The following PARD3 variants were observed in gnomAD, a reference collection of about 807,000 sequenced individuals.
PARD3 encodes partitioning defective 3 homolog.
PARD3 carries 75 observed loss-of-function variants against 155.4 expected under a neutral mutation model. The ratio of observed to expected loss-of-function variants is 0.48; its 90% CI spans 0.40 to 0.58. The LOEUF (loss-of-function observed/expected upper bound fraction) is 0.58. Among genes scored for constraint, PARD3 ranks in the 20% least tolerant of loss-of-function variants. The pLI, the probability that PARD3 is intolerant of heterozygous loss-of-function variation, is 0.00. For missense variants in PARD3, 1,642 were observed against 1,721.7 expected, an observed-to-expected ratio of 0.95 and a Z score of 0.82; for synonymous variants, 576 against 610.5, an observed-to-expected ratio of 0.94 and a Z score of 0.83.
At chr10:34,568,649 G>A (rs1381131983) in intron 2 of PARD3, among the ~76,000 whole-genome samples, 1 of 152,146 alleles carries the variant, frequency 6.6e-6, no homozygotes, top group Non-Finnish European at 1.5e-5. Flanking sequence ...ACCATGTGGC[G>A]TGACCTCCCC....
At chr10:34,697,766 A>AACACACACAC (rs377094946) in intron 1 of PARD3, among the ~76,000 whole-genome samples, 51,064 of 146,238 alleles carry the variant, frequency 0.35, 9,401 homozygotes, top group East Asian at 0.4. Flanking sequence ...TTGTAAAACA[A>AACACACACAC]ACACTCACAC....
At chr10:34,296,728 T>C (rs1004027625) in intron 20 of PARD3, among the ~76,000 whole-genome samples, 3 of 152,120 alleles carry the variant, frequency 2.0e-5, no homozygotes, top group African/African-American at 7.2e-5. Context: ...GGCTTGAAAG[T>C]ATCAGATATA....
intron 1 of PARD3, among the ~76,000 whole-genome samples, chr10:34,727,528 C>G (rs1350831988): frequency 2.0e-5 from 3 of 151,890 alleles, no homozygotes; most frequent in Admixed American, 6.6e-5. Context: ...ATTTATTTAA[C>G]TGAAGCAAGT....
intron 15 of PARD3, chr10:34,344,294 T>G: frequency 3.1e-6 from 3 of 980,804 alleles, no homozygotes; most frequent in Non-Finnish European, 3.6e-6. Flanking sequence ...TTTTTTTTTT[T>G]TTTTTGGATA....
intron 1 of PARD3, among the ~76,000 whole-genome samples, chr10:34,750,784 G>A (rs1164974907): frequency 6.6e-6 from 1 of 151,308 alleles, no homozygotes; most frequent in Non-Finnish European, 1.5e-5. Flanking sequence ...CGCCCCCCGG[G>A]TTCAAGTGAT....
At chr10:34,337,206 G>T in intron 17 of PARD3, 69 bp downstream of exon 17, 7 of 984,672 alleles carry the variant, frequency 7.1e-6, no homozygotes, top group South Asian at 6.5e-5. Context: ...CATCTGCTTG[G>T]GACCATCAAT....
chr10:34,543,868 A>G (rs1182193510), intron 2 of PARD3, among the ~76,000 whole-genome samples: 7 of 152,186 alleles, frequency 4.6e-5, no homozygotes, highest in South Asian at 2.1e-4. Flanking sequence ...TTAATAGTCA[A>G]TGTAATAGCT....
intron 3 of PARD3, among the ~76,000 whole-genome samples, chr10:34,482,327 C>T (rs1183512068): frequency 2.2e-4 from 33 of 151,896 alleles, no homozygotes. Context: ...TCATCATGCC[C>T]GACCTGGCTA....
At chr10:34,390,784 T>C (rs1842803769) in intron 7 of PARD3, among the ~76,000 whole-genome samples, 1 of 152,230 alleles carries the variant, frequency 6.6e-6, no homozygotes, top group African/African-American at 2.4e-5. Flanking sequence ...AAGAATATCT[T>C]AGATGAACAA....
chr10:34,255,273 A>G lies in PARD3; in HGVS notation c.3419+14384T>C, dbSNP rs886739987. On this transcript the variant is annotated intron_variant, in intron 22 of 24. Coordinates refer to ENST00000374788, the MANE Select transcript of PARD3 (RefSeq NM_001184785.2). ...CCGGAAGTGTTCCAATCCACGCTAT[A>G]GTTTTATAGCACCCCTTGGAGTTGT... Among the ~76,000 whole-genome samples the G allele has an allele frequency of 3.3e-5, 5 of 152,152 alleles. No individual in the cohort carries two copies. The South Asian group carries it at 6.2e-4, about 19-fold the overall frequency.
intron 22 of PARD3, among the ~76,000 whole-genome samples, chr10:34,206,264 G>A (rs1951476360): frequency 6.6e-6 from 1 of 152,198 alleles, no homozygotes; most frequent in South Asian, 2.1e-4. Context: ...AGCGCCCCTA[G>A]CTATTCATTG....
At chr10:34,504,464 T>C (rs561866722) in intron 3 of PARD3, among the ~76,000 whole-genome samples, 3 of 151,060 alleles carry the variant, frequency 2.0e-5, no homozygotes, top group Non-Finnish European at 4.4e-5. Flanking sequence ...TTTGTTGATA[T>C]GTAGGCAATA....
chr10:34,148,155 G>T (rs540434091), intron 22 of PARD3, among the ~76,000 whole-genome samples: 3 of 152,290 alleles, frequency 2.0e-5, no homozygotes, highest in African/African-American at 7.2e-5. Flanking sequence ...CACAGGCATA[G>T]ATTTAGATAT....
chr10:34,190,107 G>C (rs558149772), intron 22 of PARD3, among the ~76,000 whole-genome samples: 2 of 152,306 alleles, frequency 1.3e-5, no homozygotes, highest in African/African-American at 4.8e-5. Flanking sequence ...AGAGAGATGA[G>C]CGGTTTTAAG....
chr10:34,678,922 G>C (rs1045521115), intron 2 of PARD3, among the ~76,000 whole-genome samples: 2 of 151,750 alleles, frequency 1.3e-5, no homozygotes, highest in Non-Finnish European at 2.9e-5. Flanking sequence ...AAACCTTAAC[G>C]CCTTCACCGA....
intron 19 of PARD3, among the ~76,000 whole-genome samples, chr10:34,320,768 T>G (rs914774098): frequency 5.3e-5 from 8 of 152,246 alleles, no homozygotes; most frequent in Non-Finnish European, 1.0e-4. Context: ...CTCTGTTTCC[T>G]GCCCCAAGCC....
rs1274536002 is a variant in PARD3 at position 34,331,300 on chromosome 10, A to T, written c.2650T>A (p.Ser884Thr). ...GTCTGCAGACTCTCCAACGAGCTTG[A>T]CTTCTTCAGACCCAGGGAAGGACCC... ...DVGPSLGLKK[S>T]SSLESLQTAV... is the part of the protein sequence containing the mutation. The change falls in exon 19 of 25, where the codon TCA becomes ACA. Residue 884 changes from serine (S) to threonine (T), a missense_variant. By Grantham distance (58) the Ser-to-Thr change is moderately conservative. This residue lies in a region of PARD3 where 1,529 missense variants were observed against 1,587.3 expected (regional missense o/e 0.96). Transcript: ENST00000374788. 6.2e-7 allele frequency: 1 copy of T among 1,613,914 alleles called. No individual in the cohort carries two copies. Among genetic ancestry groups the T allele is most frequent in the African/African-American group, 1.3e-5 (1 of 74,988 alleles).
At chr10:34,721,153 C>T (rs977349881) in intron 1 of PARD3, among the ~76,000 whole-genome samples, 2 of 152,112 alleles carry the variant, frequency 1.3e-5, no homozygotes, top group African/African-American at 2.4e-5. Context: ...GAATATGATA[C>T]AGAGACAGAA....
At chr10:34,371,552 AAATAACATT>A (rs924021831) in intron 12 of PARD3, among the ~76,000 whole-genome samples, 2 of 145,122 alleles carry the variant, frequency 1.4e-5, no homozygotes, top group African/African-American at 5.1e-5. Flanking sequence ...AATATTTGAA[AAATAACATT>A]AGTTCAAAGT....
Sources: gnomAD v4.1 joint callset for allele counts (sites outside exome capture counted in the v4.1 genomes callset) on GRCh38, gnomAD v4.1.1 for gene constraint, gnomAD v4.1.1 regional missense constraint, MANE v1.5 for transcripts, NCBI Gene and HGNC (gene_info 2026-07-23, HGNC 2026-07-21) for gene names.